The following CELF2 variants were observed in gnomAD, a reference collection of about 807,000 sequenced individuals.
CELF2 encodes the protein CUGBP Elav-like family member 2, also known as CUG triplet repeat RNA-binding protein 2.
A neutral mutation model predicts 62.6 loss-of-function variants in CELF2; 8 were observed. That is an observed-to-expected ratio of 0.13 (90% CI 0.07 to 0.23). CELF2 has a LOEUF of 0.23. CELF2 is among the 10% of genes least tolerant of loss of function. The probability of loss-of-function intolerance (pLI) is 1.00; values close to 1 mark genes in which losing one functional copy is unlikely to be tolerated. For missense variants in CELF2, 333 were observed against 671.0 expected (o/e 0.50, Z 5.56); for synonymous variants, 258 against 250.0 (o/e 1.03, Z -0.30).
At position 11,266,601 on chromosome 10, in the gene CELF2, G is replaced by A; in HGVS notation, c.542G>A (p.Cys181Tyr). 1 of 1,613,660 alleles carries A rather than the reference G, an allele frequency of 6.2e-7. No homozygotes were observed. The highest frequency in any genetic ancestry group is 8.5e-7 in the Non-Finnish European group (1 of 1,179,644). Residue 181 changes from cysteine to tyrosine, a missense_variant, in exon 6 of 13, where the codon TGT becomes TAT. Coordinates refer to ENST00000633077, the MANE Select transcript of CELF2 (RefSeq NM_001326342.2). ...LRGPDGLSRG[C>Y]AFVTFSTRAM... Reference sequence around the variant, plus strand: ...CCTGTCCCCTTGTTTCCCACAGGCTGTGCGTTTGTCACATTTTCTACAAGG... The same window carrying A: ...CCTGTCCCCTTGTTTCCCACAGGCTATGCGTTTGTCACATTTTCTACAAGG...
rs79820189 is a variant in CELF2, at chr10:11,046,959, G to T, written c.74+28796G>T. ...AAGGATTGTTCGGAATTATTATATTGTCAGACCCATTGTTTATTTCGCTCA... is the reference window on the plus strand; with the variant it reads ...AAGGATTGTTCGGAATTATTATATTTTCAGACCCATTGTTTATTTCGCTCA... On this transcript the variant is annotated intron_variant, in intron 1 of 12. Transcript: ENST00000633077. The surrounding 1 kb of genome is among the most constrained non-coding windows in gnomAD (Gnocchi z 4.6). 2.0e-5 allele frequency among the ~76,000 whole-genome samples: 3 copies of T among 151,694 alleles called. No homozygotes were observed. The highest frequency in any genetic ancestry group is 4.4e-5 in the Non-Finnish European group (3 of 67,954).
chr10:10,975,847 C>T (rs1434704555), intron 2 of CELF2, among the ~76,000 whole-genome samples: 2 of 152,186 alleles, frequency 1.3e-5, no homozygotes, highest in African/African-American at 2.4e-5. Flanking sequence ...AGTGCTGCTC[C>T]TTGCAGAGCA....
intron 2 of CELF2, among the ~76,000 whole-genome samples, chr10:10,930,867 A>C (rs11256923): frequency 0.042 from 6,356 of 152,284 alleles, 250 homozygotes; most frequent in African/African-American, 0.1. Flanking sequence ...AAGCACACCC[A>C]TGTTAGTTAA....
At chr10:10,663,474 T>G in the CELF2 span, among the ~76,000 whole-genome samples, 1 of 152,348 alleles carries the variant, frequency 6.6e-6, no homozygotes, top group East Asian at 1.9e-4. Flanking sequence ...ACATTGATTT[T>G]GGCTATAAAA....
rs2094772906 is a variant in CELF2, at chr10:11,314,333, A to C, written c.1096+75A>C. The stretch of plus-strand genomic sequence containing the variant: ...AATTCTCCACAGAAAGTGGTCAGCC[A>C]GAAATGACCCGAAAAAGGATATGCC... On this transcript the variant is annotated intron_variant, in intron 10 of 12. Transcript: ENST00000633077. The surrounding 1 kb of genome is among the most constrained non-coding windows in gnomAD (Gnocchi z 5.3). 6.2e-7 allele frequency: 1 copy of C among 1,601,546 alleles called. No individual in the cohort carries two copies. The highest frequency in any genetic ancestry group is 1.3e-5 in the African/African-American group (1 of 74,762).
intron 1 of CELF2, among the ~76,000 whole-genome samples, chr10:11,132,344 G>C (rs1163807097): frequency 6.6e-6 from 1 of 152,040 alleles, no homozygotes; most frequent in Non-Finnish European, 1.5e-5. Flanking sequence ...TACAAGGTAG[G>C]TTGTCTTTTC....
chr10:10,687,539 A>G, the CELF2 span, among the ~76,000 whole-genome samples: 2 of 152,344 alleles, frequency 1.3e-5, no homozygotes, highest in East Asian at 1.9e-4. Context: ...TTCCTTGAAT[A>G]AATTACTTCT....
chr10:10,884,581 T>G (rs1218449904), intron 1 of CELF2, among the ~76,000 whole-genome samples: 2 of 152,228 alleles, frequency 1.3e-5, no homozygotes, highest in African/African-American at 4.8e-5. Context: ...ACCCTTTATA[T>G]GTTTCATGTG....
the CELF2 span, among the ~76,000 whole-genome samples, chr10:10,530,713 A>G: frequency 1.3e-5 from 2 of 152,360 alleles, no homozygotes; most frequent in African/African-American, 2.4e-5. Context: ...CTGGTTACCT[A>G]CAAAGGTGTT....
Position 11,270,576 on chromosome 10 carries a change from G to T in CELF2, c.619-90G>T. On this transcript the variant is annotated intron_variant, in intron 6 of 12. Coordinates refer to ENST00000633077, the MANE Select transcript of CELF2 (RefSeq NM_001326342.2). This position sits in a 1 kb window ranked among gnomAD's most constrained non-coding sequence, Gnocchi z 5.8. ...AGCCCATTCCATGTGCTCCAGGCTAGTGCAGAAAGGTAGCTCCGGTGCTGA... is the reference window on the plus strand; with the variant it reads ...AGCCCATTCCATGTGCTCCAGGCTATTGCAGAAAGGTAGCTCCGGTGCTGA... 1 of 1,169,512 alleles carries T rather than the reference G, an allele frequency of 8.6e-7. No homozygotes were observed. The highest frequency in any genetic ancestry group is 1.1e-6 in the Non-Finnish European group (1 of 878,024). The allele number at this position is 1,169,512 out of a possible 1,614,324, so 72.4% of individuals were successfully genotyped here.
chr10:11,119,864 T>TCTCCCCCCCCCCCC (rs1399108400), intron 1 of CELF2, among the ~76,000 whole-genome samples: 25 of 112,090 alleles, frequency 2.2e-4, no homozygotes, highest in African/African-American at 4.7e-4. Flanking sequence ...TGATTCCGCC[T>TCTCCCCCCCCCCCC]CCCCCCCCCC....
At chr10:11,174,149 C>T (rs1367661101) in intron 2 of CELF2, among the ~76,000 whole-genome samples, 3 of 151,934 alleles carry the variant, frequency 2.0e-5, no homozygotes, top group Non-Finnish European at 2.9e-5. Context: ...TCTACATTTG[C>T]CTTGATGAGT....
At position 11,046,643 on chromosome 10, in the gene CELF2, T is replaced by C. The variant is rs528290761; in HGVS notation, c.74+28480T>C. 4.6e-5 allele frequency among the ~76,000 whole-genome samples: 7 copies of C among 152,146 alleles called. No homozygotes were observed. The highest frequency in any genetic ancestry group is 3.2e-3 in the Middle Eastern group (1 of 316). On this transcript the variant is annotated intron_variant, in intron 1 of 12. Coordinates refer to ENST00000633077, the MANE Select transcript of CELF2 (RefSeq NM_001326342.2). The surrounding 1 kb of genome is among the most constrained non-coding windows in gnomAD (Gnocchi z 4.6). ...TCTCCTCATTTACCCTTTCTTTTCCTAACTCATTTCAGACGGACGCTAATA... is the reference window on the plus strand; with the variant it reads ...TCTCCTCATTTACCCTTTCTTTTCCCAACTCATTTCAGACGGACGCTAATA...
At chr10:10,504,992 C>G in the CELF2 span, among the ~76,000 whole-genome samples, 1 of 152,014 alleles carries the variant, frequency 6.6e-6, no homozygotes, top group Non-Finnish European at 1.5e-5. Context: ...GCTTTTAAAA[C>G]CTTTGTCAGA....
At chr10:10,528,299 G>T in the CELF2 span, among the ~76,000 whole-genome samples, 1,830 of 152,278 alleles carry the variant, frequency 0.012, 55 homozygotes, top group East Asian at 0.12. Flanking sequence ...TGGGAGGGCA[G>T]AAAGAAGGTG....
At chr10:10,475,261 G>C in the CELF2 span, among the ~76,000 whole-genome samples, 2 of 151,994 alleles carry the variant, frequency 1.3e-5, no homozygotes, top group East Asian at 3.9e-4. Flanking sequence ...GATGGAAAGA[G>C]ATGACAGAAT....
the CELF2 span, among the ~76,000 whole-genome samples, chr10:10,712,752 G>A: frequency 6.6e-6 from 1 of 152,156 alleles, no homozygotes; most frequent in East Asian, 1.9e-4. Flanking sequence ...CATCTCTCAG[G>A]CTATGAGTCA....
chr10:11,135,348 C>T (rs1019679914), intron 1 of CELF2, among the ~76,000 whole-genome samples: 2 of 152,216 alleles, frequency 1.3e-5, no homozygotes, highest in Admixed American at 6.5e-5. Context: ...AGTCTTTTCT[C>T]GTACATGACG....
chr10:10,480,755 C>T, the CELF2 span, among the ~76,000 whole-genome samples: 1 of 152,168 alleles, frequency 6.6e-6, no homozygotes, highest in East Asian at 1.9e-4. Flanking sequence ...CTATATTATA[C>T]AGAAAACTCA....
Sources: allele counts gnomAD v4.1 joint callset (sites outside exome capture counted in the v4.1 genomes callset), GRCh38; gene constraint gnomAD v4.1.1; non-coding constraint Gnocchi (gnomAD v3.1); transcripts MANE v1.5; gene names NCBI Gene and HGNC (gene_info 2026-07-23, HGNC 2026-07-21).